GRAMD1C: variants seen among roughly 807,000 people sequenced by gnomAD.
GRAMD1C encodes the protein protein Aster-C.
Under a neutral mutation model 97.8 loss-of-function variants are expected in GRAMD1C, and 89 were observed. The ratio of observed to expected loss-of-function variants is 0.91; its 90% CI spans 0.77 to 1.09. The LOEUF (loss-of-function observed/expected upper bound fraction) is 1.09, where lower values mean the gene tolerates loss of function less well. Ranked by LOEUF, GRAMD1C falls within the 50% of genes least tolerant of loss-of-function variation. The probability of loss-of-function intolerance (pLI) is 0.00; values close to 1 mark genes in which losing one functional copy is unlikely to be tolerated. For synonymous variants in GRAMD1C, 256 were observed against 267.0 expected (o/e 0.96, Z 0.40); for missense variants, 740 against 766.4 (o/e 0.97, Z 0.41).
At chr3:113,883,393 C>G (rs567745464) in intron 6 of GRAMD1C, among the ~76,000 whole-genome samples, 1 of 151,932 alleles carries the variant, frequency 6.6e-6, no homozygotes, top group Non-Finnish European at 1.5e-5. Context: ...GGTGTGGTGA[C>G]GCTTACCTGT....
intron 2 of GRAMD1C, chr3:113,850,469 T>G: frequency 6.8e-7 from 1 of 1,469,848 alleles, no homozygotes; most frequent in Non-Finnish European, 9.5e-7. Flanking sequence ...GGCAGCACAG[T>G]CTCCGGGGCA....
In GRAMD1C at chr3:113,838,894, G is replaced by A. The variant is rs777805129; in HGVS notation, c.-16G>A. 450 of 1,231,958 alleles carry A rather than the reference G, an allele frequency of 3.7e-4. 3 individuals carry two copies. The highest frequency in any genetic ancestry group is 4.3e-5 in the Non-Finnish European group (42 of 986,500). The allele number at this position is 1,231,958 out of a possible 1,614,324, so 76.3% of individuals were successfully genotyped here. A position where few individuals can be genotyped will look rare whatever the true frequency, so the allele number is the denominator to read the frequency against. The stretch of plus-strand genomic sequence containing the variant: ...GGTGCGCGCGGGGCGGTGCCGCGGC[G>A]GCGGAGGGAGCCGCGATGGAGGGCG... On this transcript the variant is annotated 5_prime_UTR_variant, in exon 1 of 18. Coordinates refer to ENST00000358160, the MANE Select transcript of GRAMD1C (RefSeq NM_017577.5).
In GRAMD1C at chr3:113,865,255, A is replaced by T. The variant is rs564990010; in HGVS notation, c.175-4252A>T. On this transcript the variant is annotated intron_variant, in intron 2 of 17. Transcript: ENST00000358160. ...TCATGAGGGATCCCTCATAATCCAA[A>T]CACCTCTTAAAGTTCCTACCACCTC... Among the ~76,000 whole-genome samples, 6 of 152,250 alleles carry T rather than the reference A, an allele frequency of 3.9e-5. 1 individual carries two copies. The highest frequency in any genetic ancestry group is 8.8e-5 in the Non-Finnish European group (6 of 68,020).
chr3:113,885,400 GT>G, intron 6 of GRAMD1C: 1 of 1,575,854 alleles, frequency 6.3e-7, no homozygotes, highest in Non-Finnish European at 8.7e-7. Flanking sequence ...GATCCGCACG[GT>G]AATTCAGTAC....
intron 9 of GRAMD1C, among the ~76,000 whole-genome samples, chr3:113,914,878 C>G (rs1330030741): frequency 6.6e-6 from 1 of 152,138 alleles, no homozygotes; most frequent in African/African-American, 2.4e-5. Flanking sequence ...TACCACTTAT[C>G]TCATAGCATT....
intron 2 of GRAMD1C, among the ~76,000 whole-genome samples, chr3:113,865,022 A>C (rs138458435): frequency 1.3e-5 from 2 of 152,152 alleles, no homozygotes; most frequent in East Asian, 3.8e-4. Flanking sequence ...TATTTGGCTC[A>C]TGGTTCTGGA....
intron 11 of GRAMD1C, among the ~76,000 whole-genome samples, chr3:113,932,949 C>G (rs1937493833): frequency 6.7e-6 from 1 of 148,964 alleles, no homozygotes; most frequent in Admixed American, 6.8e-5. Context: ...GTGAGGCGAT[C>G]TTGCTCACTG....
intron 2 of GRAMD1C, among the ~76,000 whole-genome samples, chr3:113,858,794 G>A (rs997215520): frequency 1.3e-4 from 20 of 151,972 alleles, no homozygotes; most frequent in African/African-American, 4.8e-4. Flanking sequence ...CCTGACCTTA[G>A]GTGACCCGCC....
rs115892862 is a variant in GRAMD1C at position 113,938,098 on chromosome 3, A to C, written c.1646A>C (p.Glu549Ala). The change falls in exon 15 of 18, where the codon GAA becomes GCA. Residue 549 changes from glutamate (E) to alanine (A), a missense_variant. By Grantham distance (107) the Glu-to-Ala change is moderately radical. Transcript: ENST00000358160. ...TTGTGATCTACAGGAAAGAAAAAGGAAATGGAAAACTATAACGTCACTCTT... is the reference window on the plus strand; with the variant it reads ...TTGTGATCTACAGGAAAGAAAAAGGCAATGGAAAACTATAACGTCACTCTT... ...AKGDITGKKK[E>A]MENYNVTLIV... is the part of the protein sequence containing the mutation. 8.5e-4 allele frequency: 1,306 copies of C among 1,531,118 alleles called. 9 individuals carry two copies. The African/African-American group carries it at 0.016, about 19-fold the overall frequency. The allele number at this position is 1,531,118 out of a possible 1,614,324, so 94.8% of individuals were successfully genotyped here.
chr3:113,934,467 G>T lies in GRAMD1C; in HGVS notation c.1388G>T (p.Trp463Leu). The change falls in exon 13 of 18, where the codon TGG (tryptophan) becomes TTG (leucine). Residue 463 changes from tryptophan to leucine, a missense_variant. Trp to Leu is a moderately conservative substitution (Grantham distance 61). Coordinates refer to ENST00000358160, the MANE Select transcript of GRAMD1C (RefSeq NM_017577.5). ...STDLKYRKQP[W>L]GLVKSLIEKN... is the part of the protein sequence containing the mutation. Reference sequence around the variant, plus strand: ...GATTTGAAATACAGAAAACAGCCATGGGGCCTTGTCAAATCTTTAATTGAA... The same window carrying T: ...GATTTGAAATACAGAAAACAGCCATTGGGCCTTGTCAAATCTTTAATTGAA... 1 of 1,578,908 alleles carries T rather than the reference G, an allele frequency of 6.3e-7. No homozygotes were observed. The highest frequency in any genetic ancestry group is 8.7e-7 in the Non-Finnish European group (1 of 1,153,794).
chr3:113,910,265 C>T (rs1172603807), intron 9 of GRAMD1C, among the ~76,000 whole-genome samples: 1 of 152,116 alleles, frequency 6.6e-6, no homozygotes, highest in African/African-American at 2.4e-5. Flanking sequence ...TGCCTGTAAT[C>T]CCAGCTACTC....
intron 6 of GRAMD1C, among the ~76,000 whole-genome samples, chr3:113,898,648 A>C (rs1357417824): frequency 1.3e-5 from 2 of 152,122 alleles, no homozygotes; most frequent in Non-Finnish European, 2.9e-5. Flanking sequence ...TATACATTAA[A>C]TAATAAATAT....
At chr3:113,899,869 A>G (rs2566967) in intron 6 of GRAMD1C, among the ~76,000 whole-genome samples, 151,402 of 152,322 alleles carry the variant, frequency 0.99, 75,254 homozygotes, top group Middle Eastern at 1. Flanking sequence ...AAGATAAATC[A>G]AAGGAAAAAT....
intron 7 of GRAMD1C, among the ~76,000 whole-genome samples, chr3:113,903,260 A>T (rs373676169): frequency 2.0e-5 from 3 of 151,988 alleles, no homozygotes; most frequent in African/African-American, 7.3e-5. Flanking sequence ...GGCATGAGCC[A>T]TCATGCCCGG....
chr3:113,931,354 A>G (rs1416646829), intron 11 of GRAMD1C, among the ~76,000 whole-genome samples: 6 of 149,324 alleles, frequency 4.0e-5, no homozygotes, highest in Non-Finnish European at 1.5e-5. Flanking sequence ...TCTCTTTCAT[A>G]TATTCAAATT....
At chr3:113,928,307 G>A (rs28580577) in intron 10 of GRAMD1C, among the ~76,000 whole-genome samples, 97,439 of 151,896 alleles carry the variant, frequency 0.64, 31,576 homozygotes, top group Non-Finnish European at 0.69. Context: ...TCACCATCTT[G>A]ACCCACCCAA....
At chr3:113,840,138 TTG>T (rs1709744717) in intron 1 of GRAMD1C, among the ~76,000 whole-genome samples, 1 of 152,096 alleles carries the variant, frequency 6.6e-6, no homozygotes, top group Non-Finnish European at 1.5e-5. Context: ...GGCTAATTTT[TTG>T]TGTTTTTAGT....
intron 2 of GRAMD1C, 83 bp from the exon 3 acceptor site, chr3:113,869,424 T>C (rs1934705995): frequency 7.9e-6 from 6 of 756,892 alleles, no homozygotes; most frequent in Non-Finnish European, 1.4e-5. Context: ...AGAAAGCATA[T>C]GATTTTAAAT....
intron 2 of GRAMD1C, among the ~76,000 whole-genome samples, chr3:113,846,053 G>T (rs1366187687): frequency 2.0e-5 from 3 of 151,346 alleles, no homozygotes; most frequent in Non-Finnish European, 4.4e-5. Context: ...TATTATTTTT[G>T]GTCATATTTA....
Sources: allele counts gnomAD v4.1 joint callset (sites outside exome capture counted in the v4.1 genomes callset), GRCh38; gene constraint gnomAD v4.1.1; transcripts MANE v1.5; gene names NCBI Gene and HGNC (gene_info 2026-07-23, HGNC 2026-07-21).